PRKAG2: variants seen among roughly 807,000 people sequenced by gnomAD.
The protein encoded by PRKAG2 is 5'-AMP-activated protein kinase subunit gamma-2.
Under a neutral mutation model 69.6 loss-of-function variants are expected in PRKAG2, and 26 were observed. The observed-to-expected ratio is 0.37, with a 90% CI of 0.27 to 0.52. PRKAG2 has a LOEUF of 0.52. Ranked by LOEUF, PRKAG2 falls within the 20% of genes least tolerant of loss-of-function variation. PRKAG2 has a pLI of 0.90. For synonymous variants in PRKAG2, 293 were observed against 285.0 expected, an observed-to-expected ratio of 1.03 and a Z score of -0.28; for missense variants, 557 against 740.0, an observed-to-expected ratio of 0.75 and a Z score of 2.87.
At chr7:151,681,008 A>C (rs1234636614) in intron 3 of PRKAG2, among the ~76,000 whole-genome samples, 1 of 152,204 alleles carries the variant, frequency 6.6e-6, no homozygotes, top group Non-Finnish European at 1.5e-5. Context: ...TCTTTCAAGT[A>C]AACAGTTTAA....
chr7:151,723,144 T>C (rs1797385166), intron 3 of PRKAG2, among the ~76,000 whole-genome samples: 1 of 152,156 alleles, frequency 6.6e-6, no homozygotes, highest in African/African-American at 2.4e-5. Flanking sequence ...TGAATGTCAG[T>C]TTAGAATCAG....
intron 2 of PRKAG2, among the ~76,000 whole-genome samples, chr7:151,785,145 G>T (rs2076938189): frequency 6.6e-6 from 1 of 152,378 alleles, no homozygotes; most frequent in Non-Finnish European, 1.5e-5. Flanking sequence ...ATGGAGAGCA[G>T]GCATTCAGCC....
At chr7:151,580,680 C>T (rs73727857) in intron 6 of PRKAG2, among the ~76,000 whole-genome samples, 2 of 151,710 alleles carry the variant, frequency 1.3e-5, no homozygotes, top group African/African-American at 2.4e-5. Flanking sequence ...GAAAGATCAA[C>T]AAAAGAATGT....
chr7:151,587,406 C>T lies in PRKAG2; in HGVS notation c.864+7939G>A, dbSNP rs553620156. On this transcript the variant is annotated intron_variant, in intron 6 of 15. Transcript: ENST00000287878. ...CTCAGCCCTCACGGAGGTGAAGCGT[C>T]ACTCCCCATGGCTAAGTGTGGGCTG... Among the ~76,000 whole-genome samples the T allele has an allele frequency of 9.2e-5, 14 of 152,264 alleles. No homozygotes were observed. The East Asian group carries it at 2.7e-3, about 29-fold the overall frequency.
intron 4 of PRKAG2, among the ~76,000 whole-genome samples, chr7:151,669,685 G>A (rs1467981789): frequency 1.4e-5 from 2 of 140,886 alleles, no homozygotes; most frequent in East Asian, 4.1e-4. Flanking sequence ...TGGGCACCTC[G>A]ACTTAAATGT....
At chr7:151,766,768 C>A (rs970852434) in intron 3 of PRKAG2, among the ~76,000 whole-genome samples, 7 of 152,214 alleles carry the variant, frequency 4.6e-5, no homozygotes, top group Admixed American at 2.0e-4. Flanking sequence ...AACACCTCTC[C>A]GAGCCAGTCC....
chr7:151,705,829 A>C (rs986059527), intron 3 of PRKAG2, among the ~76,000 whole-genome samples: 1 of 151,988 alleles, frequency 6.6e-6, no homozygotes, highest in Non-Finnish European at 1.5e-5. Flanking sequence ...TAGAAATCTC[A>C]TAAGTGGCCC....
intron 3 of PRKAG2, among the ~76,000 whole-genome samples, chr7:151,690,954 G>A (rs569431349): frequency 2.6e-5 from 4 of 152,322 alleles, no homozygotes; most frequent in Non-Finnish European, 5.9e-5. Context: ...AAGATTTGTG[G>A]AGCTTGCTTT....
rs141337952 is a variant in PRKAG2 at position 151,743,366 on chromosome 7, C to T, written c.466+37786G>A. Among the ~76,000 whole-genome samples the T allele has an allele frequency of 1.2e-4, 18 of 152,208 alleles. No homozygotes were observed. In the South Asian group the frequency reaches 3.1e-3, roughly 26 times the overall value. On this transcript the variant is annotated intron_variant, in intron 3 of 15. Coordinates refer to ENST00000287878, the MANE Select transcript of PRKAG2 (RefSeq NM_016203.4). ...CTTAGCAGTGCCCCGTGCTGTGTGG[C>T]CAAGGCTTCCAGGTCACCATTCTGA...
intron 1 of PRKAG2, among the ~76,000 whole-genome samples, chr7:151,797,824 C>G (rs924309798): frequency 6.6e-6 from 1 of 152,188 alleles, no homozygotes; most frequent in African/African-American, 2.4e-5. Context: ...CGGCCACTCC[C>G]GCAGCATCTG....
At chr7:151,849,021 TC>T (rs1440287942) in intron 1 of PRKAG2, among the ~76,000 whole-genome samples, 1 of 152,184 alleles carries the variant, frequency 6.6e-6, no homozygotes, top group Non-Finnish European at 1.5e-5. Flanking sequence ...TGGGTACTGC[TC>T]CACGGTTCCT....
At chr7:151,770,844 C>T (rs1462769631) in intron 3 of PRKAG2, among the ~76,000 whole-genome samples, 2 of 152,162 alleles carry the variant, frequency 1.3e-5, no homozygotes, top group Non-Finnish European at 2.9e-5. Context: ...ACCCAGTGAA[C>T]AAACCACCAT....
intron 6 of PRKAG2, among the ~76,000 whole-genome samples, chr7:151,595,124 C>T (rs780998799): frequency 6.6e-6 from 1 of 152,134 alleles, no homozygotes; most frequent in Non-Finnish European, 1.5e-5. Flanking sequence ...AGTTCTTAAA[C>T]TCTATAATTT....
At position 151,815,107 on chromosome 7, in the gene PRKAG2, G is replaced by T. The variant is rs187373826; in HGVS notation, c.115-28566C>A. On this transcript the variant is annotated intron_variant, in intron 1 of 15. Coordinates refer to ENST00000287878, the MANE Select transcript of PRKAG2 (RefSeq NM_016203.4). ...TCCTTGGAGCACAAAGATTGTGGGGGTTTTTTTCCCCTCTGGCCAGAAGGA... is the reference window on the plus strand; with the variant it reads ...TCCTTGGAGCACAAAGATTGTGGGGTTTTTTTTCCCCTCTGGCCAGAAGGA... Among the ~76,000 whole-genome samples the T allele has an allele frequency of 3.1e-4, 47 of 152,258 alleles. No homozygotes were observed. The East Asian group carries it at 4.1e-3, about 13-fold the overall frequency.
rs929080053 is a variant in PRKAG2, at chr7:151,804,262, T to C, written c.115-17721A>G. Among the ~76,000 whole-genome samples, 6 of 152,360 alleles carry C rather than the reference T, an allele frequency of 3.9e-5. 1 individual carries two copies. The highest frequency in any genetic ancestry group is 5.9e-5 in the Non-Finnish European group (4 of 68,036). ...GTCCCCTGTAGGTGACGCAGGCTGC[T>C]TTCAATCTTTGGCAATTACAGAGAA... is the stretch of plus-strand genomic sequence containing the variant. On this transcript the variant is annotated intron_variant, in intron 1 of 15. Transcript: ENST00000287878.
chr7:151,869,488 G>A (rs1484687976), intron 1 of PRKAG2, among the ~76,000 whole-genome samples: 2 of 152,212 alleles, frequency 1.3e-5, no homozygotes, highest in Non-Finnish European at 2.9e-5. Context: ...TGTGAAGTAG[G>A]GATAAGAGGA....
chr7:151,721,057 C>T (rs1242802984), intron 3 of PRKAG2, among the ~76,000 whole-genome samples: 6 of 68,258 alleles, frequency 8.8e-5, no homozygotes, highest in African/African-American at 3.7e-4. Flanking sequence ...GGTGGAGGGG[C>T]ATGAAGGGGG....
chr7:151,755,542 T>C (rs7801616), intron 3 of PRKAG2, among the ~76,000 whole-genome samples: 90,561 of 151,824 alleles, frequency 0.6, 27,842 homozygotes, highest in East Asian at 0.95. Context: ...GGGGATGACA[T>C]GATGGGATTT....
At chr7:151,868,418 G>A (rs1172322478) in intron 1 of PRKAG2, among the ~76,000 whole-genome samples, 2 of 152,236 alleles carry the variant, frequency 1.3e-5, no homozygotes, top group Non-Finnish European at 2.9e-5. Context: ...GGTTAAGCCC[G>A]AAGGACGCAG....
Sources: gnomAD v4.1 joint callset for allele counts (sites outside exome capture counted in the v4.1 genomes callset) on GRCh38, gnomAD v4.1.1 for gene constraint, MANE v1.5 for transcripts, NCBI Gene and HGNC (gene_info 2026-07-23, HGNC 2026-07-21) for gene names.